Variants in TNFAIP8 observed in about 807,000 individuals in gnomAD.
TNFAIP8 encodes TNF alpha induced protein 8.
In TNFAIP8, 7 loss-of-function variants were observed where a neutral mutation model predicts 13.3. That is an observed-to-expected ratio of 0.52 (90% CI 0.30 to 0.99). TNFAIP8 has a LOEUF of 0.99. Among genes scored for constraint, TNFAIP8 ranks in the 50% least tolerant of loss-of-function variants. TNFAIP8 has a pLI of 0.07. For synonymous variants in TNFAIP8, 94 were observed against 87.6 expected, an observed-to-expected ratio of 1.07 and a Z score of -0.41; for missense variants, 258 against 236.9, an observed-to-expected ratio of 1.09 and a Z score of -0.58.
chr5:119,269,801 G>C (rs1159058257), intron 1 of TNFAIP8, among the ~76,000 whole-genome samples: 1 of 152,094 alleles, frequency 6.6e-6, no homozygotes, highest in Non-Finnish European at 1.5e-5. Context: ...TATTTTTATG[G>C]GGGGAGGTGG....
intron 1 of TNFAIP8, among the ~76,000 whole-genome samples, chr5:119,330,895 G>T (rs578199817): frequency 1.4e-4 from 21 of 152,248 alleles, no homozygotes; most frequent in African/African-American, 5.1e-4. Context: ...TCAGGGGCTG[G>T]GGGTTAGGGG....
chr5:119,362,791 CAA>C (rs759223485), intron 1 of TNFAIP8, among the ~76,000 whole-genome samples: 12 of 130,308 alleles, frequency 9.2e-5, no homozygotes, highest in African/African-American at 8.3e-5. Context: ...GATTCTGTCT[CAA>C]AAAAAAAAAA....
intron 1 of TNFAIP8, among the ~76,000 whole-genome samples, chr5:119,361,867 C>A (rs557924527): frequency 6.6e-6 from 1 of 152,320 alleles, no homozygotes; most frequent in African/African-American, 2.4e-5. Flanking sequence ...TTCCAGGGTG[C>A]AGCCCCTCTC....
At chr5:119,381,081 A>G (rs995468768) in intron 1 of TNFAIP8, among the ~76,000 whole-genome samples, 1 of 152,210 alleles carries the variant, frequency 6.6e-6, no homozygotes, top group Admixed American at 6.5e-5. Flanking sequence ...GGTGCTTCCT[A>G]CAAATGCTGG....
At chr5:119,278,899 A>G (rs764219929) in intron 1 of TNFAIP8, among the ~76,000 whole-genome samples, 14 of 152,114 alleles carry the variant, frequency 9.2e-5, no homozygotes, top group Non-Finnish European at 2.9e-5. Context: ...TGAAGCAGTG[A>G]TTTTTTGATG....
intron 1 of TNFAIP8, among the ~76,000 whole-genome samples, chr5:119,362,488 T>C (rs1387907213): frequency 1.3e-5 from 2 of 152,158 alleles, no homozygotes; most frequent in African/African-American, 4.8e-5. Flanking sequence ...CTTTCTGAAG[T>C]TCAGTTTCCC....
At chr5:119,382,120 T>G (rs1752510219) in intron 1 of TNFAIP8, among the ~76,000 whole-genome samples, 1 of 152,200 alleles carries the variant, frequency 6.6e-6, no homozygotes, top group African/African-American at 2.4e-5. Flanking sequence ...TCCACAGATC[T>G]GCTCTGAAAT....
intron 1 of TNFAIP8, among the ~76,000 whole-genome samples, chr5:119,308,280 G>T (rs79572079): frequency 1.3e-5 from 2 of 151,968 alleles, no homozygotes; most frequent in Non-Finnish European, 2.9e-5. Context: ...AGGGGAATCT[G>T]TATCATTTCC....
At chr5:119,303,038 T>G (rs1749442803) in intron 1 of TNFAIP8, among the ~76,000 whole-genome samples, 1 of 152,096 alleles carries the variant, frequency 6.6e-6, no homozygotes, top group East Asian at 1.9e-4. Context: ...ACTCTTCAGC[T>G]CCTCCTCCCT....
chr5:119,374,946 T>G (rs749701933), intron 1 of TNFAIP8, among the ~76,000 whole-genome samples: 13 of 152,182 alleles, frequency 8.5e-5, no homozygotes, highest in Non-Finnish European at 1.6e-4. Context: ...GGACATGTCC[T>G]GGAGTTAGAT....
At chr5:119,381,622 C>T (rs1461989382) in intron 1 of TNFAIP8, among the ~76,000 whole-genome samples, 1 of 152,002 alleles carries the variant, frequency 6.6e-6, no homozygotes, top group Non-Finnish European at 1.5e-5. Flanking sequence ...TCTCTTTTTC[C>T]TAGGATGTAG....
chr5:119,334,831 A>G (rs1326107471), intron 1 of TNFAIP8, among the ~76,000 whole-genome samples: 1 of 152,114 alleles, frequency 6.6e-6, no homozygotes, highest in East Asian at 1.9e-4. Flanking sequence ...AGTTGAGATC[A>G]GAGCCAGCTT....
intron 1 of TNFAIP8, among the ~76,000 whole-genome samples, chr5:119,286,351 G>A (rs1386237374): frequency 2.0e-5 from 3 of 152,164 alleles, no homozygotes; most frequent in Non-Finnish European, 2.9e-5. Flanking sequence ...GGTTGGCACG[G>A]TGGCTCACGC....
chr5:119,334,915 C>T (rs1184414608), intron 1 of TNFAIP8, among the ~76,000 whole-genome samples: 2 of 152,012 alleles, frequency 1.3e-5, no homozygotes, highest in East Asian at 3.9e-4. Flanking sequence ...CGTACTTTGG[C>T]AGAAAGACGT....
chr5:119,301,027 T>C (rs1749374297), intron 1 of TNFAIP8, among the ~76,000 whole-genome samples: 1 of 152,178 alleles, frequency 6.6e-6, no homozygotes, highest in South Asian at 2.1e-4. Flanking sequence ...GAAACAGTTG[T>C]TTGCAATTCA....
intron 1 of TNFAIP8, among the ~76,000 whole-genome samples, chr5:119,343,305 T>C (rs1194577106): frequency 6.6e-6 from 1 of 152,228 alleles, no homozygotes; most frequent in East Asian, 1.9e-4. Flanking sequence ...AACAGAAGGT[T>C]TGCAGCTGTC....
At chr5:119,295,139 T>C (rs1179839952) in intron 1 of TNFAIP8, among the ~76,000 whole-genome samples, 2 of 151,558 alleles carry the variant, frequency 1.3e-5, no homozygotes, top group African/African-American at 2.4e-5. Context: ...TCAATGGTAA[T>C]GCCTAGGTTT....
At chr5:119,305,405 T>C (rs2112659722) in intron 1 of TNFAIP8, among the ~76,000 whole-genome samples, 1 of 152,360 alleles carries the variant, frequency 6.6e-6, no homozygotes, top group South Asian at 2.1e-4. Context: ...AGATGCATTT[T>C]ATTTGAGTGG....
chr5:119,323,907 GT>G (rs1406693534), intron 1 of TNFAIP8, among the ~76,000 whole-genome samples: 4 of 152,172 alleles, frequency 2.6e-5, no homozygotes, highest in Admixed American at 6.5e-5. Context: ...TTTCAAACCT[GT>G]TTGGGAAGAA....
Sources: allele counts gnomAD v4.1 joint callset (sites outside exome capture counted in the v4.1 genomes callset), GRCh38; gene constraint gnomAD v4.1.1; transcripts MANE v1.5; gene names NCBI Gene and HGNC (gene_info 2026-07-23, HGNC 2026-07-21).